The following MECOM variants were observed in gnomAD, a reference collection of about 807,000 sequenced individuals.
The protein encoded by MECOM is MDS1 and EVI1 complex locus.
Under a neutral mutation model 116.3 loss-of-function variants are expected in MECOM, and 13 were observed. The ratio of observed to expected loss-of-function variants is 0.11; its 90% CI spans 0.07 to 0.18. The LOEUF (loss-of-function observed/expected upper bound fraction) is 0.18, where lower values mean the gene tolerates loss of function less well. MECOM is among the 10% of genes least tolerant of loss of function. The pLI, the probability that MECOM is intolerant of heterozygous loss-of-function variation, is 1.00. For missense variants in MECOM, 1,299 were observed against 1,509.0 expected (o/e 0.86, Z 2.31); for synonymous variants, 528 against 535.2 (o/e 0.99, Z 0.19).
At chr3:169,376,214 C>T (rs1040426156) in intron 2 of MECOM, among the ~76,000 whole-genome samples, 2 of 152,132 alleles carry the variant, frequency 1.3e-5, no homozygotes, top group African/African-American at 4.8e-5. Flanking sequence ...ACACCCACAG[C>T]CAATATCATA....
intron 1 of MECOM, among the ~76,000 whole-genome samples, chr3:169,641,148 T>G (rs1773435723): frequency 6.6e-6 from 1 of 152,160 alleles, no homozygotes; most frequent in Non-Finnish European, 1.5e-5. Flanking sequence ...GAAATCTGTT[T>G]GGTGATCAAG....
intron 12 of MECOM, among the ~76,000 whole-genome samples, chr3:169,098,947 A>G (rs1722620701): frequency 6.6e-6 from 1 of 152,196 alleles, no homozygotes; most frequent in Admixed American, 6.5e-5. Flanking sequence ...CAACTATTAA[A>G]CCAACACTGA....
intron 2 of MECOM, among the ~76,000 whole-genome samples, chr3:169,375,876 A>C (rs1003510282): frequency 8.4e-6 from 1 of 119,384 alleles, no homozygotes; most frequent in Non-Finnish European, 1.8e-5. Context: ...GACACAACAA[A>C]AAAAGAAAAT....
chr3:169,088,855 G>T (rs907649315), intron 16 of MECOM, 145 bp downstream of exon 16: 2 of 648,642 alleles, frequency 3.1e-6, no homozygotes, highest in East Asian at 3.2e-5. Flanking sequence ...ATACAGTAAA[G>T]ATATGAACAT....
At chr3:169,379,713 G>T (rs182066914) in intron 2 of MECOM, among the ~76,000 whole-genome samples, 19 of 152,186 alleles carry the variant, frequency 1.2e-4, no homozygotes, top group African/African-American at 4.6e-4. Flanking sequence ...GGATAATCTT[G>T]ATGAGTATTG....
rs537628044 is a variant in MECOM, at chr3:169,112,158, A to G, written c.2577+629T>C. On this transcript the variant is annotated intron_variant, in intron 9 of 16. Transcript: ENST00000651503. ...CCTGTTTTTTAAAATTACTAAATGT[A>G]TAAGGACTTTAGGATGAACCAATTA... 2.0e-5 allele frequency among the ~76,000 whole-genome samples: 3 copies of G among 152,298 alleles called. No homozygotes were observed. The East Asian group carries it at 5.8e-4, about 29-fold the overall frequency.
At chr3:169,224,246 T>C in intron 2 of MECOM, among the ~76,000 whole-genome samples, 1 of 152,166 alleles carries the variant, frequency 6.6e-6, no homozygotes, top group Non-Finnish European at 1.5e-5. Flanking sequence ...ACAATACTGT[T>C]ACTGTGTTCT....
chr3:169,634,955 G>C (rs771389605), intron 1 of MECOM, among the ~76,000 whole-genome samples: 2 of 151,782 alleles, frequency 1.3e-5, no homozygotes, highest in African/African-American at 4.8e-5. Flanking sequence ...CTGTTGGGTC[G>C]TTCCAAGCAG....
At chr3:169,245,299 C>A (rs1176401476) in intron 2 of MECOM, among the ~76,000 whole-genome samples, 2 of 152,030 alleles carry the variant, frequency 1.3e-5, no homozygotes, top group East Asian at 1.9e-4. Context: ...TGAAAAGCCA[C>A]CATCCTTGCC....
chr3:169,214,683 A>G (rs1411877639), intron 2 of MECOM, among the ~76,000 whole-genome samples: 1 of 151,444 alleles, frequency 6.6e-6, no homozygotes, highest in East Asian at 1.9e-4. Flanking sequence ...GATTTTTAAT[A>G]AACATATTTT....
At chr3:169,398,618 T>A (rs113506399) in intron 1 of MECOM, among the ~76,000 whole-genome samples, 2 of 152,186 alleles carry the variant, frequency 1.3e-5, no homozygotes, top group Non-Finnish European at 2.9e-5. Context: ...TCCTCTGGAA[T>A]GCGGCTTCCC....
chr3:169,125,548 G>C (rs190549579), intron 5 of MECOM, among the ~76,000 whole-genome samples: 1 of 151,946 alleles, frequency 6.6e-6, no homozygotes, highest in Non-Finnish European at 1.5e-5. Context: ...AAAGCAAAAG[G>C]AATTTTCCCT....
rs897029878 is a variant in MECOM, at chr3:169,143,917, A to G, written c.376-85T>C. Reference sequence around the variant, plus strand: ...AGTTGTTTGAAAATATTTCATTGAAATGTATATTCCTTCTTTGGATCCTTA... The same window carrying G: ...AGTTGTTTGAAAATATTTCATTGAAGTGTATATTCCTTCTTTGGATCCTTA... On this transcript the variant is annotated intron_variant, in intron 2 of 16. Coordinates refer to ENST00000651503, the MANE Select transcript of MECOM (RefSeq NM_004991.4). The G allele has an allele frequency of 7.8e-6, 11 of 1,414,918 alleles. No homozygotes were observed. In the African/African-American group the frequency reaches 1.3e-4, roughly 17 times the overall value. The allele number at this position is 1,414,918 out of a possible 1,614,324, so 87.6% of individuals were successfully genotyped here.
At chr3:169,424,557 G>A (rs1380421076) in intron 1 of MECOM, among the ~76,000 whole-genome samples, 1 of 152,156 alleles carries the variant, frequency 6.6e-6, no homozygotes, top group Non-Finnish European at 1.5e-5. Flanking sequence ...AAAGAAGATG[G>A]TTGTTCTTCT....
chr3:169,189,569 G>A (rs1401036266), intron 2 of MECOM, among the ~76,000 whole-genome samples: 1 of 151,922 alleles, frequency 6.6e-6, no homozygotes, highest in Admixed American at 6.6e-5. Flanking sequence ...ACCTTTTCAG[G>A]GAAAGTAATT....
chr3:169,446,987 TG>T (rs1744745607), intron 1 of MECOM, among the ~76,000 whole-genome samples: 1 of 152,218 alleles, frequency 6.6e-6, no homozygotes, highest in South Asian at 2.1e-4. Context: ...AGTATAATTT[TG>T]TCAACAAATA....
At position 169,397,940 on chromosome 3, in the gene MECOM, A is replaced by G. The variant is rs1278027647; in HGVS notation, c.38-16416T>C. 4.6e-5 allele frequency among the ~76,000 whole-genome samples: 7 copies of G among 152,276 alleles called. No individual in the cohort carries two copies. The South Asian group carries it at 1.0e-3, about 23-fold the overall frequency. On this transcript the variant is annotated intron_variant, in intron 1 of 16. Coordinates refer to ENST00000651503, the MANE Select transcript of MECOM (RefSeq NM_004991.4). ...ACCTAACATTCCAGCCTTTGTTCCA[A>G]GCCTTGTATCATTTTCTTCTGGGCT...
chr3:169,133,104 A>AAC (rs1735286283), intron 3 of MECOM, among the ~76,000 whole-genome samples: 1 of 136,850 alleles, frequency 7.3e-6, no homozygotes, highest in African/African-American at 3.3e-5. Flanking sequence ...ATCTGAGCAA[A>AAC]ACACATACAC....
chr3:169,304,408 C>T (rs549890973), intron 2 of MECOM, among the ~76,000 whole-genome samples: 1 of 152,224 alleles, frequency 6.6e-6, no homozygotes, highest in Admixed American at 6.5e-5. Flanking sequence ...ACCTTATTGA[C>T]CTCTGGTTGG....
Sources: allele counts gnomAD v4.1 joint callset (sites outside exome capture counted in the v4.1 genomes callset), GRCh38; gene constraint gnomAD v4.1.1; transcripts MANE v1.5; gene names NCBI Gene and HGNC (gene_info 2026-07-23, HGNC 2026-07-21).